ROCK1: variants seen among roughly 807,000 people sequenced by gnomAD.
ROCK1 encodes Rho associated coiled-coil containing protein kinase 1, also known as rho-associated protein kinase 1.
A neutral mutation model predicts 196.8 loss-of-function variants in ROCK1; 36 were observed. The ratio of observed to expected loss-of-function variants is 0.18; its 90% CI spans 0.14 to 0.24. The LOEUF (loss-of-function observed/expected upper bound fraction) is 0.24, where lower values mean the gene tolerates loss of function less well. ROCK1 is among the 10% of genes least tolerant of loss of function. ROCK1 has a pLI of 1.00. For synonymous variants in ROCK1, 443 were observed against 515.9 expected (o/e 0.86, Z 1.91); for missense variants, 920 against 1,562.0 (o/e 0.59, Z 6.93).
intron 16 of ROCK1, among the ~76,000 whole-genome samples, chr18:20,997,476 T>A (rs1416417047): frequency 6.6e-6 from 1 of 152,150 alleles, no homozygotes; most frequent in Non-Finnish European, 1.5e-5. Flanking sequence ...CACCCAACAC[T>A]GGAGCAACCA....
intron 1 of ROCK1, among the ~76,000 whole-genome samples, chr18:21,089,367 T>G (rs1437738150): frequency 6.6e-6 from 1 of 152,190 alleles, no homozygotes; most frequent in Non-Finnish European, 1.5e-5. Context: ...GCCTAAAACT[T>G]TTTTTAATTG....
At chr18:21,025,755 T>C (rs2035950292) in intron 10 of ROCK1, among the ~76,000 whole-genome samples, 1 of 152,202 alleles carries the variant, frequency 6.6e-6, no homozygotes, top group African/African-American at 2.4e-5. Flanking sequence ...ATATATATTT[T>C]GTTGGTTCTT....
At chr18:21,011,444 CTTCTT>C (rs759355120) in intron 13 of ROCK1, among the ~76,000 whole-genome samples, 3 of 152,100 alleles carry the variant, frequency 2.0e-5, no homozygotes, top group Admixed American at 1.3e-4. Flanking sequence ...TCTTCCCTTT[CTTCTT>C]TTAATTTTTA....
intron 2 of ROCK1, among the ~76,000 whole-genome samples, chr18:21,069,768 T>C (rs543295422): frequency 1.2e-4 from 18 of 152,224 alleles, no homozygotes; most frequent in Admixed American, 5.2e-4. Flanking sequence ...GCTATGTCCA[T>C]AGGACATGAG....
At chr18:21,047,522 G>A (rs1240131065) in intron 4 of ROCK1, among the ~76,000 whole-genome samples, 25 of 152,102 alleles carry the variant, frequency 1.6e-4, no homozygotes, top group African/African-American at 4.8e-4. Flanking sequence ...GACCGGGCAC[G>A]GTGGCTCACA....
At chr18:20,980,518 A>G (rs2035521430) in intron 21 of ROCK1, among the ~76,000 whole-genome samples, 1 of 151,230 alleles carries the variant, frequency 6.6e-6, no homozygotes, top group Admixed American at 6.6e-5. Flanking sequence ...TTTTGCAGTG[A>G]AAAAAAAATG....
rs532879814 is a variant in ROCK1, at chr18:20,985,668, G to A, written c.2305-1133C>T. Among the ~76,000 whole-genome samples, 494 of 152,228 alleles carry A rather than the reference G, an allele frequency of 3.2e-3. 2 individuals carry two copies. Among genetic ancestry groups the A allele is most frequent in the Non-Finnish European group, 5.7e-3 (390 of 68,020 alleles). On this transcript the variant is annotated intron_variant, in intron 19 of 32. Coordinates refer to ENST00000399799, the MANE Select transcript of ROCK1 (RefSeq NM_005406.3). ...TCGGTAACCCCCAATTCCTAGCACA[G>A]AGCCAAATAGGTAGTCAAAAATTAT...
At chr18:20,959,100 AT>A (rs2035291885) in intron 29 of ROCK1, among the ~76,000 whole-genome samples, 1 of 17,170 alleles carries the variant, frequency 5.8e-5, no homozygotes, top group Non-Finnish European at 8.5e-5. Context: ...TATAATATAT[AT>A]ATTATATATA....
In ROCK1 at chr18:21,006,521, C is replaced by G; in HGVS notation, c.1715G>C (p.Ser572Thr). 1 of 1,613,850 alleles carries G rather than the reference C, an allele frequency of 6.2e-7. No individual in the cohort carries two copies. Among genetic ancestry groups the G allele is most frequent in the Non-Finnish European group, 8.5e-7 (1 of 1,179,960 alleles). Residue 572 changes from serine to threonine, a missense_variant, in exon 16 of 33, where the codon AGC (serine) becomes ACC (threonine). Physicochemically the swap from Ser to Thr is moderately conservative, Grantham distance 58. Transcript: ENST00000399799. Reference sequence around the variant, plus strand: ...GGACTCTAACTGACTAATTGACTTGCTCATCTCTGTGTGACTCTTCCTCAA... The same window carrying G: ...GGACTCTAACTGACTAATTGACTTGGTCATCTCTGTGTGACTCTTCCTCAA... ...VRLRKSHTEM[S>T]KSISQLESLN... is the part of the protein sequence containing the mutation.
At position 21,032,350 on chromosome 18, in the gene ROCK1, T is replaced by TA. The variant is rs199603207; in HGVS notation, c.1052-3416dup. On this transcript the variant is annotated intron_variant, in intron 9 of 32. Transcript: ENST00000399799. ...TAGAATGTTAAGTGTAATTCCACGT[T>TA]AACTAATAAGAAAATGACTAAAAAA... Among the ~76,000 whole-genome samples the TA allele has an allele frequency of 9.0e-3, 1,374 of 152,116 alleles. 71 individuals carry two copies. The highest frequency in any genetic ancestry group is 0.083 in the Admixed American group (1,270 of 15,270).
chr18:20,965,145 T>C (rs1348192104), intron 27 of ROCK1, among the ~76,000 whole-genome samples: 2 of 152,128 alleles, frequency 1.3e-5, no homozygotes, highest in Admixed American at 1.3e-4. Context: ...ATCTCAGCAC[T>C]TTGGAAGGCC....
chr18:20,990,333 CAG>C (rs1196867754), intron 18 of ROCK1, among the ~76,000 whole-genome samples: 2 of 151,892 alleles, frequency 1.3e-5, no homozygotes, highest in Non-Finnish European at 2.9e-5. Flanking sequence ...TACTAAAAAA[CAG>C]AGAAAAGACA....
intron 2 of ROCK1, among the ~76,000 whole-genome samples, chr18:21,059,043 TAA>T (rs1301180916): frequency 6.6e-6 from 1 of 151,832 alleles, no homozygotes; most frequent in African/African-American, 2.4e-5. Context: ...AAAATAAATA[TAA>T]AAAATCCAGA....
At chr18:21,085,895 G>T (rs1291350105) in intron 1 of ROCK1, among the ~76,000 whole-genome samples, 1 of 152,032 alleles carries the variant, frequency 6.6e-6, no homozygotes, top group Non-Finnish European at 1.5e-5. Context: ...ATTTCAAGGA[G>T]GATTTCCTCC....
intron 12 of ROCK1, among the ~76,000 whole-genome samples, chr18:21,019,773 G>A (rs1463548982): frequency 6.6e-6 from 1 of 150,838 alleles, no homozygotes; most frequent in Non-Finnish European, 1.5e-5. Flanking sequence ...ACTCCAGCCT[G>A]GACGACAGAG....
chr18:21,031,691 C>T (rs1271454147), intron 9 of ROCK1, among the ~76,000 whole-genome samples: 1 of 148,510 alleles, frequency 6.7e-6, no homozygotes, highest in Non-Finnish European at 1.5e-5. Flanking sequence ...AAATCTTAAA[C>T]TCTCTTAAAT....
intron 16 of ROCK1, among the ~76,000 whole-genome samples, chr18:20,993,900 G>A (rs1185378240): frequency 1.3e-5 from 2 of 152,070 alleles, no homozygotes; most frequent in Non-Finnish European, 2.9e-5. Flanking sequence ...AAGTGGCCTA[G>A]GATTTGACAA....
At chr18:20,975,447 T>C (rs1329694928) in intron 22 of ROCK1, among the ~76,000 whole-genome samples, 1 of 152,188 alleles carries the variant, frequency 6.6e-6, no homozygotes, top group Non-Finnish European at 1.5e-5. Flanking sequence ...GTTTTACCCT[T>C]TCCATTCAGT....
chr18:20,954,655 C>T (rs1204294834), intron 31 of ROCK1, 128 bp downstream of exon 31: 2 of 869,336 alleles, frequency 2.3e-6, no homozygotes. Context: ...TATTGCCCCA[C>T]CAGTGTCAAA....
Sources: allele counts gnomAD v4.1 joint callset (sites outside exome capture counted in the v4.1 genomes callset), GRCh38; gene constraint gnomAD v4.1.1; transcripts MANE v1.5; gene names NCBI Gene and HGNC (gene_info 2026-07-23, HGNC 2026-07-21).